Variants in C12orf42 observed in about 807,000 individuals in gnomAD.
C12orf42 encodes the protein chromosome 12 open reading frame 42.
C12orf42 carries 25 observed loss-of-function variants against 21.6 expected under a neutral mutation model. That is an observed-to-expected ratio of 1.16 (90% confidence interval 0.84 to 1.62). The LOEUF is 1.62. Ranked by LOEUF, C12orf42 falls within the 40% of genes most tolerant of loss-of-function variation. C12orf42 has a pLI of 0.00. For missense variants in C12orf42, 483 were observed against 459.3 expected (o/e 1.05, Z -0.47); for synonymous variants, 174 against 175.0 (o/e 0.99, Z 0.05).
At chr12:103,211,327 C>G in the C12orf42 span, among the ~76,000 whole-genome samples, 2 of 152,118 alleles carry the variant, frequency 1.3e-5, no homozygotes, top group African/African-American at 4.8e-5. Context: ...CCTCATTTAA[C>G]CTTTATTACT....
At chr12:103,106,482 T>C in the C12orf42 span, among the ~76,000 whole-genome samples, 1 of 152,038 alleles carries the variant, frequency 6.6e-6, no homozygotes, top group African/African-American at 2.4e-5. Context: ...TTTAAAAAAA[T>C]ATGGAATTAT....
the C12orf42 span, among the ~76,000 whole-genome samples, chr12:103,155,434 A>T: frequency 6.6e-6 from 1 of 152,176 alleles, no homozygotes; most frequent in Non-Finnish European, 1.5e-5. Context: ...GGCAACTAAT[A>T]ACAAAGAAAG....
intron 2 of C12orf42, among the ~76,000 whole-genome samples, chr12:103,423,279 G>T (rs541269688): frequency 5.3e-4 from 81 of 152,268 alleles, no homozygotes; most frequent in Middle Eastern, 6.8e-3. Context: ...CCCCTGGTCT[G>T]GCCTGCCTGA....
chr12:103,273,768 G>A (rs983952529), intron 5 of C12orf42: 5 of 442,384 alleles, frequency 1.1e-5, no homozygotes, highest in African/African-American at 1.0e-4. Context: ...AAGAGAAAGA[G>A]AAAGAGAAGC....
At chr12:103,325,874 A>G (rs2040634579) in intron 4 of C12orf42, among the ~76,000 whole-genome samples, 1 of 152,148 alleles carries the variant, frequency 6.6e-6, no homozygotes, top group Admixed American at 6.5e-5. Context: ...GAGAATGAGC[A>G]TGCTTCCTGT....
chr12:103,177,746 C>T, the C12orf42 span, among the ~76,000 whole-genome samples: 1 of 152,130 alleles, frequency 6.6e-6, no homozygotes, highest in Non-Finnish European at 1.5e-5. Flanking sequence ...TCCTCCTTCT[C>T]CGATGCTGCT....
chr12:103,538,621 T>C, the C12orf42 span, among the ~76,000 whole-genome samples: 510 of 152,376 alleles, frequency 3.3e-3, no homozygotes, highest in South Asian at 0.014. Flanking sequence ...TTCCTGTGAA[T>C]CATCCACTTG....
chr12:103,238,859 T>C (rs2136160085), intron 10 of C12orf42, among the ~76,000 whole-genome samples: 1 of 152,292 alleles, frequency 6.6e-6, no homozygotes, highest in Non-Finnish European at 1.5e-5. Flanking sequence ...AAGGTGGTAG[T>C]AGCCAGTTCT....
intron 4 of C12orf42, among the ~76,000 whole-genome samples, chr12:103,308,735 T>C (rs1371320642): frequency 1.3e-5 from 2 of 152,238 alleles, no homozygotes; most frequent in Non-Finnish European, 2.9e-5. Flanking sequence ...AAAAGATACG[T>C]TGAGGTCCTA....
chr12:103,139,203 C>T, the C12orf42 span, among the ~76,000 whole-genome samples: 6 of 152,160 alleles, frequency 3.9e-5, no homozygotes, highest in African/African-American at 1.4e-4. Flanking sequence ...TTCTCTAGCC[C>T]TCATTTTCTT....
At chr12:103,319,033 T>C (rs2039816352) in intron 4 of C12orf42, among the ~76,000 whole-genome samples, 1 of 152,206 alleles carries the variant, frequency 6.6e-6, no homozygotes, top group South Asian at 2.1e-4. Flanking sequence ...TTAGCTTTCT[T>C]ATATGAGGCT....
At chr12:103,076,226 G>A in the C12orf42 span, among the ~76,000 whole-genome samples, 1 of 150,384 alleles carries the variant, frequency 6.6e-6, no homozygotes, top group Non-Finnish European at 1.5e-5. Flanking sequence ...ATAACTTAAA[G>A]TATAATGATA....
At chr12:103,377,848 A>C (rs981151019) in intron 3 of C12orf42, among the ~76,000 whole-genome samples, 6 of 152,078 alleles carry the variant, frequency 3.9e-5, no homozygotes, top group Non-Finnish European at 8.8e-5. Context: ...GTTGGGAGTC[A>C]CTTCATTCTG....
At chr12:103,140,872 G>A in the C12orf42 span, among the ~76,000 whole-genome samples, 5 of 152,020 alleles carry the variant, frequency 3.3e-5, no homozygotes, top group Admixed American at 2.6e-4. Context: ...TACAATGTAC[G>A]CATTGCACAC....
chr12:103,077,576 CAG>C, the C12orf42 span, among the ~76,000 whole-genome samples: 1 of 152,154 alleles, frequency 6.6e-6, no homozygotes, highest in Non-Finnish European at 1.5e-5. Flanking sequence ...AAGCTGGACA[CAG>C]AGCAGGCAGT....
chr12:103,441,322 A>G (rs1269915603), intron 2 of C12orf42: 5 of 152,204 alleles, frequency 3.3e-5, no homozygotes, highest in Admixed American at 3.3e-4. Flanking sequence ...CTTTTGGCCA[A>G]ATTTTGCAAA....
chr12:103,249,619 C>T (rs772362364), intron 10 of C12orf42, among the ~76,000 whole-genome samples: 13 of 152,016 alleles, frequency 8.6e-5, no homozygotes, highest in African/African-American at 3.1e-4. Flanking sequence ...TTCCCTGGTT[C>T]AATTCAATCC....
chr12:103,537,088 C>CTGAATGAATGAATGAA, the C12orf42 span, among the ~76,000 whole-genome samples: 77 of 151,786 alleles, frequency 5.1e-4, no homozygotes, highest in African/African-American at 1.8e-3. Context: ...TTACTATTTT[C>CTGAATGAATGAATGAA]TGAATGAATG....
At chr12:103,308,283 G>T (rs1461605845) in intron 4 of C12orf42, among the ~76,000 whole-genome samples, 1 of 152,078 alleles carries the variant, frequency 6.6e-6, no homozygotes, top group Non-Finnish European at 1.5e-5. Context: ...CAACATAAAA[G>T]TATATAATTT....
Sources: gnomAD v4.1 joint callset for allele counts (sites outside exome capture counted in the v4.1 genomes callset) on GRCh38, gnomAD v4.1.1 for gene constraint, MANE v1.5 for transcripts, NCBI Gene and HGNC (gene_info 2026-07-23, HGNC 2026-07-21) for gene names.